Variants in AP1S3 observed in about 807,000 individuals in gnomAD.
AP1S3 encodes AP-1 complex subunit sigma-3.
Under a neutral mutation model 20.9 loss-of-function variants are expected in AP1S3, and 10 were observed. The ratio of observed to expected loss-of-function variants is 0.48; its 90% CI spans 0.29 to 0.81. The LOEUF is 0.81. Ranked by LOEUF, AP1S3 falls within the 30% of genes least tolerant of loss-of-function variation. The pLI is 0.08. For synonymous variants in AP1S3, 41 were observed against 61.5 expected, an observed-to-expected ratio of 0.67 and a Z score of 1.56; for missense variants, 154 against 183.8, an observed-to-expected ratio of 0.84 and a Z score of 0.94.
intron 1 of AP1S3, among the ~76,000 whole-genome samples, chr2:223,828,058 T>TAAAAAAAA (rs527671959): frequency 2.9e-4 from 27 of 94,630 alleles, no homozygotes; most frequent in African/African-American, 4.7e-4. Flanking sequence ...AGACTTCATC[T>TAAAAAAAA]AAAAAAAAAA....
chr2:223,813,783 G>A (rs1691786444), intron 1 of AP1S3, among the ~76,000 whole-genome samples: 2 of 152,132 alleles, frequency 1.3e-5, no homozygotes, highest in Admixed American at 1.3e-4. Flanking sequence ...AGGTAAGAAG[G>A]GAGGGGCAGC....
intron 1 of AP1S3, among the ~76,000 whole-genome samples, chr2:223,808,348 G>C (rs1010560478): frequency 6.6e-6 from 1 of 152,180 alleles, no homozygotes; most frequent in Non-Finnish European, 1.5e-5. Flanking sequence ...ACTCCTCTGC[G>C]AGGGCCCCTC....
At chr2:223,817,762 G>C in intron 1 of AP1S3, among the ~76,000 whole-genome samples, 1 of 151,964 alleles carries the variant, frequency 6.6e-6, no homozygotes. Flanking sequence ...AAGAACATCA[G>C]AGACTATTTG....
At chr2:223,813,790 C>T (rs927386187) in intron 1 of AP1S3, among the ~76,000 whole-genome samples, 4 of 152,156 alleles carry the variant, frequency 2.6e-5, no homozygotes, top group African/African-American at 9.7e-5. Context: ...AAGGGAGGGG[C>T]AGCCCTCACA....
chr2:223,805,042 T>C (rs546182087), intron 1 of AP1S3, among the ~76,000 whole-genome samples: 1 of 152,312 alleles, frequency 6.6e-6, no homozygotes, highest in Admixed American at 6.5e-5. Context: ...AGAAATGAAG[T>C]TGCCTCAGAA....
intron 1 of AP1S3, among the ~76,000 whole-genome samples, chr2:223,832,391 G>A (rs1009554071): frequency 3.3e-5 from 5 of 151,386 alleles, no homozygotes; most frequent in African/African-American, 9.7e-5. Context: ...ATAGAAACTC[G>A]GTAGTAACAA....
At chr2:223,806,412 T>G (rs1691584878) in intron 1 of AP1S3, among the ~76,000 whole-genome samples, 1 of 150,942 alleles carries the variant, frequency 6.6e-6, no homozygotes. Context: ...ACCTCTCGAG[T>G]AGGTGGGACT....
intron 1 of AP1S3, among the ~76,000 whole-genome samples, chr2:223,825,312 C>CA (rs3080005): frequency 0.018 from 2,639 of 146,168 alleles, 38 homozygotes; most frequent in African/African-American, 0.043. Context: ...GACTCCGTCT[C>CA]AAAAAAAAAA....
intron 1 of AP1S3, among the ~76,000 whole-genome samples, chr2:223,810,954 T>C (rs1369857935): frequency 1.3e-5 from 2 of 152,242 alleles, no homozygotes; most frequent in South Asian, 2.1e-4. Context: ...AATTTTCAAA[T>C]TTTTAAAAAT....
At chr2:223,814,320 T>C (rs941832220) in intron 1 of AP1S3, among the ~76,000 whole-genome samples, 2 of 152,204 alleles carry the variant, frequency 1.3e-5, no homozygotes, top group Non-Finnish European at 2.9e-5. Context: ...GTGTTAACAA[T>C]GGGACGTGGC....
Position 223,777,683 on chromosome 2 carries a change from A to ACT in AP1S3, c.182+6_182+7dup. Reference sequence around the variant, plus strand: ...TGAGAAATTGAGCTCTCAAAAAGTTACTCACACCTTTTATAAACAAGTTTT... The same window carrying ACT: ...TGAGAAATTGAGCTCTCAAAAAGTTACTCTCACACCTTTTATAAACAAGTTTT... On this transcript the variant is annotated splice_region_variant and intron_variant, in intron 2 of 4. Transcript: ENST00000396654. The ACT allele has an allele frequency of 6.2e-7, 1 of 1,610,874 alleles. No individual in the cohort carries two copies. Among genetic ancestry groups the ACT allele is most frequent in the Non-Finnish European group, 8.5e-7 (1 of 1,178,744 alleles).
intron 4 of AP1S3, among the ~76,000 whole-genome samples, chr2:223,762,620 G>A (rs1559273809): frequency 6.6e-6 from 1 of 152,232 alleles, no homozygotes; most frequent in African/African-American, 2.4e-5. Flanking sequence ...TGTCCACATT[G>A]TTGTTACCCC....
chr2:223,803,327 A>G (rs1326703542), intron 1 of AP1S3, among the ~76,000 whole-genome samples: 1 of 152,192 alleles, frequency 6.6e-6, no homozygotes, highest in East Asian at 1.9e-4. Context: ...AGTCAAGAGG[A>G]GCTAAAATGG....
At chr2:223,794,624 T>C (rs1272218131) in intron 1 of AP1S3, among the ~76,000 whole-genome samples, 2 of 152,164 alleles carry the variant, frequency 1.3e-5, no homozygotes, top group African/African-American at 4.8e-5. Flanking sequence ...CCCTCTTCTT[T>C]CTGCTAGATC....
intron 1 of AP1S3, among the ~76,000 whole-genome samples, chr2:223,793,671 C>T (rs1262162946): frequency 6.6e-6 from 1 of 152,082 alleles, no homozygotes; most frequent in Non-Finnish European, 1.5e-5. Flanking sequence ...ATGATCTGTG[C>T]AGCATGCTCA....
chr2:223,788,273 A>AGGCTTACATCACCACTCAGAG (rs1691122293), intron 1 of AP1S3, among the ~76,000 whole-genome samples: 1 of 151,356 alleles, frequency 6.6e-6, no homozygotes, highest in Non-Finnish European at 1.5e-5. Context: ...TATATACTTA[A>AGGCTTACATCACCACTCAGAG]GGCTTACATC....
intron 1 of AP1S3, among the ~76,000 whole-genome samples, chr2:223,782,085 T>C (rs840367): frequency 0.72 from 108,828 of 150,734 alleles, 39,971 homozygotes; most frequent in East Asian, 0.97. Flanking sequence ...CATCTTGGCT[T>C]ACTGCAACCT....
Position 223,758,431 on chromosome 2 carries a change from A to C in AP1S3, c.*284T>G, listed in dbSNP as rs1690276349. On this transcript the variant is annotated 3_prime_UTR_variant, in exon 5 of 5. Transcript: ENST00000396654. ...CAGCTTAAAAACATAACATGGAGTT[A>C]ATACATTACAAATATTGTCTGTTGG... The C allele has an allele frequency of 8.9e-7, 1 of 1,127,350 alleles. No individual in the cohort carries two copies. The highest frequency in any genetic ancestry group is 1.6e-5 in the African/African-American group (1 of 62,120). The allele number at this position is 1,127,350 out of a possible 1,614,324, so 69.8% of individuals were successfully genotyped here.
In AP1S3 at chr2:223,763,859, T is replaced by C. The variant is rs140314380; in HGVS notation, c.429+1354A>G. On this transcript the variant is annotated intron_variant, in intron 4 of 4. Transcript: ENST00000396654. Reference sequence around the variant, plus strand: ...GAATTCACACCTAATGGTGTTTTGTTAATTTAATCACCCTCTTCCAAATAG... The same window carrying C: ...GAATTCACACCTAATGGTGTTTTGTCAATTTAATCACCCTCTTCCAAATAG... Among the ~76,000 whole-genome samples, 5 of 152,342 alleles carry C rather than the reference T, an allele frequency of 3.3e-5. No homozygotes were observed. In the East Asian group the frequency reaches 9.6e-4, roughly 29 times the overall value.
Sources: gnomAD v4.1 joint callset for allele counts (sites outside exome capture counted in the v4.1 genomes callset) on GRCh38, gnomAD v4.1.1 for gene constraint, MANE v1.5 for transcripts, NCBI Gene and HGNC (gene_info 2026-07-23, HGNC 2026-07-21) for gene names.